BRME1: variants seen among roughly 807,000 people sequenced by gnomAD.
BRME1 encodes BRCA2 and MEILB2-associating protein 1.
Under a neutral mutation model 52.6 loss-of-function variants are expected in BRME1, and 31 were observed. The observed-to-expected ratio is 0.59, with a 90% CI of 0.44 to 0.80. The LOEUF is 0.80. BRME1 is among the 30% of genes least tolerant of loss of function. BRME1 has a pLI of 0.00. For synonymous variants in BRME1, 359 were observed against 353.6 expected, an observed-to-expected ratio of 1.02 and a Z score of -0.17; for missense variants, 804 against 860.3, an observed-to-expected ratio of 0.93 and a Z score of 0.82.
At chr19:13,904,703 G>A (rs1231237506) in intron 2 of BRME1, among the ~76,000 whole-genome samples, 159 bp downstream of exon 2, 1 of 152,060 alleles carries the variant, frequency 6.6e-6, no homozygotes, top group Non-Finnish European at 1.5e-5. Flanking sequence ...GCCTCCCAAA[G>A]TGCTGAGATT....
rs1228699623 is a variant in BRME1, at chr19:13,888,630, T to G, written c.1668+558A>C. 6.6e-6 allele frequency among the ~76,000 whole-genome samples: 1 copy of G among 152,238 alleles called. No individual in the cohort carries two copies. Among genetic ancestry groups the G allele is most frequent in the African/African-American group, 2.4e-5 (1 of 41,468 alleles). On this transcript the variant is annotated intron_variant, in intron 6 of 8. Transcript: ENST00000586783. This position sits in a 1 kb window ranked among gnomAD's most constrained non-coding sequence, Gnocchi z 4.1. ...GCAGCCGGTGGGGCGGGCAGATCCC[T>G]GAAGGAGGCAAAGCCCTTACACGTT... is the stretch of plus-strand genomic sequence containing the variant.
rs1968778589 is a variant in BRME1, at chr19:13,883,398, GTCCT to G, written c.1764-2_1765del. Reference sequence around the variant, plus strand: ...CTCAGAGGCCTGGATCCCCACGAAGGTCCTGGCCAGCAGGGAAGGAAATTGAGAG... The same window carrying G: ...CTCAGAGGCCTGGATCCCCACGAAGGGGCCAGCAGGGAAGGAAATTGAGAG... On this transcript the variant is annotated splice_acceptor_variant and coding_sequence_variant, in exon 8 of 9. Transcript: ENST00000586783. LOFTEE classifies it high-confidence loss of function. This position sits in a 1 kb window ranked among gnomAD's most constrained non-coding sequence, Gnocchi z 4.2. The G allele has an allele frequency of 1.3e-6, 2 of 1,532,196 alleles. No individual in the cohort carries two copies. Among genetic ancestry groups the G allele is most frequent in the Admixed American group, 3.9e-5 (2 of 50,928 alleles). The allele number at this position is 1,532,196 out of a possible 1,614,324, so 94.9% of individuals were successfully genotyped here. A position where few individuals can be genotyped will look rare whatever the true frequency, so the allele number is the denominator to read the frequency against.
rs1426068089 is a variant in BRME1, at chr19:13,882,910, C to T, written c.1899G>A (p.Lys633=). Residue 633 remains lysine (K), a synonymous_variant, in exon 9 of 9, where the codon AAG becomes AAA. Transcript: ENST00000586783. ...GCTTTGTCTTCCGGTAGTTAAGGCG[C>T]TTGAAAGCTTCCAGGTCCCGGTGGG... ...MGTHRDLEAF[K]RLNYRKTKLG... The T allele has an allele frequency of 6.2e-7, 1 of 1,613,952 alleles. No homozygotes were observed. The highest frequency in any genetic ancestry group is 1.7e-5 in the Admixed American group (1 of 59,996).
In BRME1 at chr19:13,890,064, G is replaced by T. The variant is rs1167756514; in HGVS notation, c.792C>A (p.Gly264=). The T allele has an allele frequency of 6.2e-7, 1 of 1,613,590 alleles. No homozygotes were observed. The highest frequency in any genetic ancestry group is 1.1e-5 in the South Asian group (1 of 91,078). ...EGGAQRTAGA[G]LPGGPQEEGD... is the part of the protein sequence containing the mutation. The stretch of plus-strand genomic sequence containing the variant: ...CCTCCTCCTGGGGCCCTCCAGGCAG[G>T]CCAGCCCCTGCTGTCCTTTGGGCCC... The change falls in exon 6 of 9, where the codon GGC becomes GGA. Residue 264 remains glycine, a synonymous_variant. Transcript: ENST00000586783.
At position 13,883,141 on chromosome 19, in the gene BRME1, T is replaced by C. The variant is rs76689633; in HGVS notation, c.1856+167A>G. ...TTGCAGCCTTTCTTCAGAGCCTGTG[T>C]TCTGCAAAGGACGGGGGAGGGGGGC... On this transcript the variant is annotated intron_variant, in intron 8 of 8. Transcript: ENST00000586783. This position sits in a 1 kb window ranked among gnomAD's most constrained non-coding sequence, Gnocchi z 4.2. Among the ~76,000 whole-genome samples the C allele has an allele frequency of 1.3e-5, 2 of 152,034 alleles. No individual in the cohort carries two copies. Among genetic ancestry groups the C allele is most frequent in the Non-Finnish European group, 2.9e-5 (2 of 67,990 alleles).
chr19:13,884,731 G>C (rs900173525), intron 7 of BRME1, among the ~76,000 whole-genome samples: 2 of 152,028 alleles, frequency 1.3e-5, no homozygotes, highest in Admixed American at 6.5e-5. Flanking sequence ...CAGGTGGCCA[G>C]GCGGGTAAGT....
rs149564569 is a variant in BRME1 at position 13,888,533 on chromosome 19, C to T, written c.1668+655G>A. Among the ~76,000 whole-genome samples, 469 of 152,346 alleles carry T rather than the reference C, an allele frequency of 3.1e-3. 1 individual carries two copies. Among genetic ancestry groups the T allele is most frequent in the Middle Eastern group, 6.8e-3 (2 of 294 alleles). On this transcript the variant is annotated intron_variant, in intron 6 of 8. Transcript: ENST00000586783. This position sits in a 1 kb window ranked among gnomAD's most constrained non-coding sequence, Gnocchi z 4.1. ...GGGGGGCAGGGCTGAAGCAAGGCTG[C>T]CATCTGCCCAGACAGGAGAATGAAC...
chr19:13,893,780 G>A (rs72997426), intron 3 of BRME1, among the ~76,000 whole-genome samples: 13,439 of 151,914 alleles, frequency 0.088, 773 homozygotes, highest in Middle Eastern at 0.17. Flanking sequence ...AGCTGGACGT[G>A]GTGATGTGTG....
At chr19:13,894,216 A>C (rs963815326) in intron 3 of BRME1, among the ~76,000 whole-genome samples, 6 of 151,980 alleles carry the variant, frequency 3.9e-5, no homozygotes, top group African/African-American at 1.4e-4. Flanking sequence ...AACTAGTGAA[A>C]CTTAGGGTTA....
chr19:13,904,344 C>T (rs1032551160), intron 2 of BRME1, among the ~76,000 whole-genome samples: 5 of 152,126 alleles, frequency 3.3e-5, no homozygotes, highest in African/African-American at 4.8e-5. Flanking sequence ...TGGACTCAAG[C>T]GATCCGCCCA....
chr19:13,895,408 T>C lies in BRME1; in HGVS notation c.170A>G (p.Gln57Arg), dbSNP rs1407076858. The C allele has an allele frequency of 1.9e-6, 3 of 1,613,856 alleles. No individual in the cohort carries two copies. The Admixed American group carries it at 5.0e-5, about 27-fold the overall frequency. The part of the protein sequence containing the change: ...EGKLGPVPST[Q>R]QHGEEPGKAV... The stretch of plus-strand genomic sequence containing the variant: ...CTTTCCTGGTTCCTCCCCGTGCTGC[T>C]GTGTAGAGGGAACAGGTCCCAATTT... The change falls in exon 3 of 9, where the codon CAG becomes CGG. Residue 57 changes from glutamine to arginine, a missense_variant. This residue lies in a region of BRME1 where 234 missense variants were observed against 258.1 expected (regional missense o/e 0.91). Coordinates refer to ENST00000586783, the MANE Select transcript of BRME1 (RefSeq NM_001345843.2).
intron 7 of BRME1, among the ~76,000 whole-genome samples, chr19:13,884,354 G>A (rs948077453): frequency 2.6e-5 from 4 of 151,762 alleles, no homozygotes; most frequent in African/African-American, 4.8e-5. Context: ...CGCCAGGCAC[G>A]ATGGCTCATG....
chr19:13,892,513 G>A (rs1306854921), intron 5 of BRME1, among the ~76,000 whole-genome samples: 1 of 152,154 alleles, frequency 6.6e-6, no homozygotes, highest in African/African-American at 2.4e-5. Flanking sequence ...CTTGAACCCA[G>A]TGGGGCAGAG....
rs144502446 is a variant in BRME1 at position 13,890,393 on chromosome 19, G to C, written c.463C>G (p.Leu155Val). The C allele has an allele frequency of 7.8e-6, 12 of 1,533,770 alleles. No homozygotes were observed. In the African/African-American group the frequency reaches 1.7e-4, roughly 21 times the overall value. ...QLLVETLGVP[L>V]QEATELGDPT... ...TCCCCCAGCTCCGTGGCCTCCTGGAGGGGGACCCCCAGGGTCTCCACTAGC... is the reference window on the plus strand; with the variant it reads ...TCCCCCAGCTCCGTGGCCTCCTGGACGGGGACCCCCAGGGTCTCCACTAGC... Residue 155 changes from leucine to valine, a missense_variant, in exon 6 of 9, where the codon CTC becomes GTC. Leu to Val is a conservative substitution (Grantham distance 32). Around this residue, in one of 3 missense-constraint regions of BRME1, gnomAD observed 234 missense variants for 258.1 expected, o/e 0.91. Coordinates refer to ENST00000586783, the MANE Select transcript of BRME1 (RefSeq NM_001345843.2).
At chr19:13,891,135 T>TTTTTTTTTTTTTTTATTATTA (rs59151567) in intron 5 of BRME1, among the ~76,000 whole-genome samples, 29 of 146,668 alleles carry the variant, frequency 2.0e-4, no homozygotes, top group African/African-American at 7.2e-4. Context: ...CAATTTCCTG[T>TTTTTTTTTTTTTTTATTATTA]TTATTATTAT....
Position 13,882,471 on chromosome 19 carries a change from C to T in BRME1, c.*331G>A, listed in dbSNP as rs1471108500. On this transcript the variant is annotated 3_prime_UTR_variant, in exon 9 of 9. Transcript: ENST00000586783. ...GGAAAGAAACAAATTCTGAACCATC[C>T]ATACTTGGCTCAGGACCCTAAAATT... 13 of 439,784 alleles carry T rather than the reference C, an allele frequency of 3.0e-5. No homozygotes were observed. Among genetic ancestry groups the T allele is most frequent in the Non-Finnish European group, 5.2e-5 (13 of 250,776 alleles). The allele number at this position is 439,784 out of a possible 1,614,324, so 27.2% of individuals were successfully genotyped here. A position where few individuals can be genotyped will look rare whatever the true frequency, so the allele number is the denominator to read the frequency against.
chr19:13,891,135 T>TTTTTTTTTTTTTTATTA (rs59151567), intron 5 of BRME1, among the ~76,000 whole-genome samples: 11 of 146,664 alleles, frequency 7.5e-5, no homozygotes, highest in African/African-American at 2.6e-4. Context: ...CAATTTCCTG[T>TTTTTTTTTTTTTTATTA]TTATTATTAT....
chr19:13,900,495 G>A (rs1970222433), intron 2 of BRME1, among the ~76,000 whole-genome samples: 1 of 152,146 alleles, frequency 6.6e-6, no homozygotes, highest in African/African-American at 2.4e-5. Flanking sequence ...CACAAAACAT[G>A]TTCAATCTGC....
chr19:13,888,816 A>G lies in BRME1; in HGVS notation c.1668+372T>C, dbSNP rs1173095586. On this transcript the variant is annotated intron_variant, in intron 6 of 8. Transcript: ENST00000586783. The surrounding 1 kb of genome is among the most constrained non-coding windows in gnomAD (Gnocchi z 4.1). ...CCATCCCCAGGCCCAGCTTCTCTCC[A>G]TCTGTGTCTACCCGCCTCAATACAT... Among the ~76,000 whole-genome samples, 1 of 151,902 alleles carries G rather than the reference A, an allele frequency of 6.6e-6. No homozygotes were observed. The highest frequency in any genetic ancestry group is 1.5e-5 in the Non-Finnish European group (1 of 67,970).
Sources: allele counts gnomAD v4.1 joint callset (sites outside exome capture counted in the v4.1 genomes callset), GRCh38; gene constraint gnomAD v4.1.1; regional missense constraint gnomAD v4.1.1; non-coding constraint Gnocchi (gnomAD v3.1); transcripts MANE v1.5; gene names NCBI Gene and HGNC (gene_info 2026-07-23, HGNC 2026-07-21).